CEP57L1: variants seen among roughly 807,000 people sequenced by gnomAD.
CEP57L1 encodes centrosomal protein 57 like 1, also known as centrosomal protein CEP57L1.
A neutral mutation model predicts 61.0 loss-of-function variants in CEP57L1; 37 were observed. The ratio of observed to expected loss-of-function variants is 0.61; its 90% CI spans 0.47 to 0.80. CEP57L1 has a LOEUF of 0.80. CEP57L1 is among the 30% of genes least tolerant of loss of function. The pLI is 0.00. For missense variants in CEP57L1, 422 were observed against 524.7 expected (o/e 0.80, Z 1.91); for synonymous variants, 137 against 162.3 (o/e 0.84, Z 1.19).
rs774534164 is a variant in CEP57L1 at position 109,160,727 on chromosome 6, T to C, written c.1161+11T>C. On this transcript the variant is annotated intron_variant, in intron 10 of 10. Coordinates refer to ENST00000517392, the MANE Select transcript of CEP57L1 (RefSeq NM_001271852.3). ...AAGCATCAAGACAGTGTAAGAAGGCTTTAGTAAGAGATTTTAATAAAAACA... is the reference window on the plus strand; with the variant it reads ...AAGCATCAAGACAGTGTAAGAAGGCCTTAGTAAGAGATTTTAATAAAAACA... 3 of 1,569,728 alleles carry C rather than the reference T, an allele frequency of 1.9e-6. No homozygotes were observed. Among genetic ancestry groups the C allele is most frequent in the South Asian group, 1.2e-5 (1 of 83,562 alleles).
At position 109,145,312 on chromosome 6, in the gene CEP57L1, T is replaced by A. The variant is rs569335383; in HGVS notation, c.91T>A (p.Ser31Thr). The change falls in exon 2 of 11, where the codon TCT (serine) becomes ACT (threonine). Residue 31 changes from serine to threonine, a missense_variant. By Grantham distance (58) the Ser-to-Thr change is moderately conservative. Transcript: ENST00000517392. ...FVPSFTQNEP[S>T]QNCHPANLEV... ...TCCCTCATTCACCCAGAATGAACCA[T>A]CTCAGAATTGCCATCCTGCAAACTT... is the stretch of plus-strand genomic sequence containing the variant. 1 of 1,611,526 alleles carries A rather than the reference T, an allele frequency of 6.2e-7. No homozygotes were observed. The highest frequency in any genetic ancestry group is 1.1e-5 in the South Asian group (1 of 90,826).
chr6:109,102,502 T>G (rs1770432126), intron 1 of CEP57L1, among the ~76,000 whole-genome samples: 1 of 152,230 alleles, frequency 6.6e-6, no homozygotes, highest in East Asian at 1.9e-4. Flanking sequence ...AAATTTTTAA[T>G]TTTAGTGAAG....
chr6:109,117,642 G>A (rs1280662044), intron 1 of CEP57L1, among the ~76,000 whole-genome samples: 2 of 152,178 alleles, frequency 1.3e-5, no homozygotes, highest in Non-Finnish European at 2.9e-5. Flanking sequence ...TAAGCACAAA[G>A]TTTGGCACAT....
At chr6:109,125,942 C>T (rs958358577) in intron 1 of CEP57L1, among the ~76,000 whole-genome samples, 3 of 151,698 alleles carry the variant, frequency 2.0e-5, no homozygotes, top group African/African-American at 4.9e-5. Flanking sequence ...TAAATTAAAA[C>T]CTGTATGTAA....
intron 1 of CEP57L1, among the ~76,000 whole-genome samples, chr6:109,097,936 A>G (rs1279205522): frequency 2.6e-5 from 4 of 152,224 alleles, no homozygotes; most frequent in Non-Finnish European, 5.9e-5. Context: ...AGAAATAGCA[A>G]GAAGGCTAGT....
intron 1 of CEP57L1, among the ~76,000 whole-genome samples, chr6:109,133,928 C>T (rs1421127946): frequency 6.6e-6 from 1 of 152,122 alleles, no homozygotes; most frequent in East Asian, 1.9e-4. Flanking sequence ...TAATAGCTTA[C>T]CAACCAAAAC....
At chr6:109,125,941 A>G (rs1773506946) in intron 1 of CEP57L1, among the ~76,000 whole-genome samples, 1 of 152,082 alleles carries the variant, frequency 6.6e-6, no homozygotes, top group South Asian at 2.1e-4. Flanking sequence ...TTAAATTAAA[A>G]CCTGTATGTA....
intron 1 of CEP57L1, among the ~76,000 whole-genome samples, chr6:109,137,039 C>T (rs1036970999): frequency 6.6e-6 from 1 of 152,166 alleles, no homozygotes; most frequent in South Asian, 2.1e-4. Flanking sequence ...AGGTGTGGGG[C>T]ATGGCGCCTG....
chr6:109,112,781 C>T (rs945542572), intron 1 of CEP57L1, among the ~76,000 whole-genome samples: 3 of 152,088 alleles, frequency 2.0e-5, no homozygotes, highest in Non-Finnish European at 4.4e-5. Flanking sequence ...AGTAGTTATT[C>T]GGGAGCAGGT....
chr6:109,107,167 T>C (rs1771037801), intron 1 of CEP57L1, among the ~76,000 whole-genome samples: 1 of 152,206 alleles, frequency 6.6e-6, no homozygotes, highest in Admixed American at 6.5e-5. Flanking sequence ...ACCTAATAAA[T>C]TAGACTTATA....
chr6:109,171,429 G>C lies in CEP57L1; in HGVS notation c.*8459G>C, dbSNP rs1774402659. Among the ~76,000 whole-genome samples, 1 of 150,194 alleles carries C rather than the reference G, an allele frequency of 6.7e-6. No individual in the cohort carries two copies. The highest frequency in any genetic ancestry group is 1.5e-5 in the Non-Finnish European group (1 of 67,684). ...GTTTTTTTTTTTCGCATTTTTAATA[G>C]AAACGGGGTTTCACCGTGTTAGCCA... On this transcript the variant is annotated 3_prime_UTR_variant, in exon 11 of 11. Transcript: ENST00000517392.
intron 1 of CEP57L1, among the ~76,000 whole-genome samples, chr6:109,114,325 A>G (rs190386157): frequency 3.2e-4 from 48 of 152,228 alleles, no homozygotes; most frequent in African/African-American, 1.1e-3. Context: ...TGAACATTTT[A>G]AAGTATATAT....
rs542322204 is a variant in CEP57L1 at position 109,143,016 on chromosome 6, A to G, written c.-3-2203A>G. On this transcript the variant is annotated intron_variant, in intron 1 of 10. Transcript: ENST00000517392. ...CTCTCTCTCTCTCTCACTGAATACT[A>G]CTAACTGATGCACCAGAAAGGGGCC... is the stretch of plus-strand genomic sequence containing the variant. 4.4e-5 allele frequency among the ~76,000 whole-genome samples: 6 copies of G among 135,132 alleles called. No individual in the cohort carries two copies. The East Asian group carries it at 1.3e-3, about 29-fold the overall frequency. The allele number at this position is 135,132 out of a possible 152,430, so 88.7% of individuals were successfully genotyped here.
At chr6:109,153,086 G>A (rs1236887119) in intron 4 of CEP57L1, among the ~76,000 whole-genome samples, 1 of 150,436 alleles carries the variant, frequency 6.6e-6, no homozygotes, top group Non-Finnish European at 1.5e-5. Context: ...ACTCCAGCCT[G>A]GGCAACAGCA....
At chr6:109,148,626 A>T (rs1405618609) in intron 3 of CEP57L1, among the ~76,000 whole-genome samples, 1 of 152,160 alleles carries the variant, frequency 6.6e-6, no homozygotes. Flanking sequence ...TCCTTTGGGT[A>T]TATACCCAGT....
At chr6:109,104,670 C>A (rs1397341780) in intron 1 of CEP57L1, among the ~76,000 whole-genome samples, 2 of 152,162 alleles carry the variant, frequency 1.3e-5, no homozygotes, top group Non-Finnish European at 2.9e-5. Context: ...CAAGCCTCAA[C>A]CTCCCGGGCT....
In CEP57L1 at chr6:109,169,675, G is replaced by C. The variant is rs545544850; in HGVS notation, c.*6705G>C. Among the ~76,000 whole-genome samples, 1 of 152,218 alleles carries C rather than the reference G, an allele frequency of 6.6e-6. No individual in the cohort carries two copies. The highest frequency in any genetic ancestry group is 2.1e-4 in the South Asian group (1 of 4,820). ...AATGACCTCATTATGCTACCTCTTG[G>C]TAAAATCTAACCAAGCATGAGTCTT... On this transcript the variant is annotated 3_prime_UTR_variant, in exon 11 of 11. Transcript: ENST00000517392.
upstream of CEP57L1, chr6:109,095,458 C>A: frequency 2.0e-6 from 2 of 985,836 alleles, no homozygotes; most frequent in Non-Finnish European, 2.4e-6. Flanking sequence ...TTCGATGCTG[C>A]CGGCGCGTTT....
intron 1 of CEP57L1, among the ~76,000 whole-genome samples, chr6:109,099,884 G>A (rs1354709383): frequency 1.3e-5 from 2 of 152,178 alleles, no homozygotes; most frequent in Non-Finnish European, 2.9e-5. Flanking sequence ...GGGAGACAGC[G>A]AGTATGGATG....
Sources: gnomAD v4.1 joint callset for allele counts (sites outside exome capture counted in the v4.1 genomes callset) on GRCh38, gnomAD v4.1.1 for gene constraint, MANE v1.5 for transcripts, NCBI Gene and HGNC (gene_info 2026-07-23, HGNC 2026-07-21) for gene names.